SLC8A3: variants seen among roughly 807,000 people sequenced by gnomAD.
SLC8A3 encodes the protein sodium/calcium exchanger 3.
A neutral mutation model predicts 65.4 loss-of-function variants in SLC8A3; 37 were observed. That is an observed-to-expected ratio of 0.57 (90% CI 0.44 to 0.74). SLC8A3 has a LOEUF of 0.74. Among genes scored for constraint, SLC8A3 ranks in the 30% least tolerant of loss-of-function variants. The probability of loss-of-function intolerance (pLI) is 0.00; values close to 1 mark genes in which losing one functional copy is unlikely to be tolerated. For synonymous variants in SLC8A3, 461 were observed against 444.5 expected, an observed-to-expected ratio of 1.04 and a Z score of -0.47; for missense variants, 1,112 against 1,172.1, an observed-to-expected ratio of 0.95 and a Z score of 0.75.
At chr14:70,185,599 T>C (rs1335491884) in intron 1 of SLC8A3, among the ~76,000 whole-genome samples, 5 of 152,140 alleles carry the variant, frequency 3.3e-5, no homozygotes, top group Non-Finnish European at 7.3e-5. Flanking sequence ...GGTGGCAGTG[T>C]AAAGGAGAGC....
intron 2 of SLC8A3, among the ~76,000 whole-genome samples, chr14:70,081,766 T>A (rs1891068097): frequency 6.6e-6 from 1 of 152,204 alleles, no homozygotes; most frequent in Non-Finnish European, 1.5e-5. Context: ...ACTAAAAATA[T>A]GTTTATTGGC....
chr14:70,049,392 C>G (rs541176980), intron 5 of SLC8A3, among the ~76,000 whole-genome samples: 21 of 152,218 alleles, frequency 1.4e-4, no homozygotes, highest in African/African-American at 5.1e-4. Context: ...AACAGAAAAC[C>G]AAACACTGCA....
intron 2 of SLC8A3, among the ~76,000 whole-genome samples, chr14:70,136,993 T>C (rs138701475): frequency 1.2e-3 from 189 of 152,310 alleles, no homozygotes; most frequent in Non-Finnish European, 2.2e-3. Flanking sequence ...TCTTGGAGCA[T>C]CTCCTATGAA....
chr14:70,088,566 G>A (rs1891604007), intron 2 of SLC8A3, among the ~76,000 whole-genome samples: 1 of 152,068 alleles, frequency 6.6e-6, no homozygotes, highest in Non-Finnish European at 1.5e-5. Context: ...GGCTTTAGTG[G>A]CCCAAGATAA....
chr14:70,163,417 T>C (rs545362562), intron 2 of SLC8A3, among the ~76,000 whole-genome samples: 11 of 152,312 alleles, frequency 7.2e-5, no homozygotes, highest in Non-Finnish European at 1.3e-4. Context: ...TCCTATATTA[T>C]TGATAGAGCA....
intron 2 of SLC8A3, among the ~76,000 whole-genome samples, chr14:70,121,054 C>T (rs1894019066): frequency 2.0e-5 from 3 of 152,270 alleles, no homozygotes; most frequent in East Asian, 1.9e-4. Flanking sequence ...TATGCTGGAA[C>T]GGCCCAGAAT....
Position 70,121,462 on chromosome 14 carries a change from G to A in SLC8A3, c.1784+45177C>T, listed in dbSNP as rs200300983. On this transcript the variant is annotated intron_variant, in intron 2 of 6. Transcript: ENST00000356921. ...ATGTCTTGCTCTCGTCAAGTCTAACGTCCACAGCTTTGACATGTGGTTGCT... is the reference window on the plus strand; with the variant it reads ...ATGTCTTGCTCTCGTCAAGTCTAACATCCACAGCTTTGACATGTGGTTGCT... Among the ~76,000 whole-genome samples the A allele has an allele frequency of 9.2e-5, 14 of 152,304 alleles. No homozygotes were observed. The East Asian group carries it at 2.5e-3, about 27-fold the overall frequency.
intron 2 of SLC8A3, among the ~76,000 whole-genome samples, chr14:70,062,493 A>C (rs1222068303): frequency 6.6e-6 from 1 of 152,218 alleles, no homozygotes; most frequent in African/African-American, 2.4e-5. Flanking sequence ...TATTCAGTAC[A>C]AGCACATGCT....
chr14:70,098,102 C>A (rs1199098869), intron 2 of SLC8A3, among the ~76,000 whole-genome samples: 1 of 152,122 alleles, frequency 6.6e-6, no homozygotes, highest in East Asian at 1.9e-4. Flanking sequence ...CCTGGCTGGG[C>A]CAACTAAGCT....
chr14:70,146,450 G>C (rs1289550734), intron 2 of SLC8A3, among the ~76,000 whole-genome samples: 1 of 152,168 alleles, frequency 6.6e-6, no homozygotes, highest in Admixed American at 6.5e-5. Context: ...TTGAGGAGAT[G>C]ATGGCTCTCT....
At chr14:70,130,740 G>T (rs1044644597) in intron 2 of SLC8A3, among the ~76,000 whole-genome samples, 1 of 152,244 alleles carries the variant, frequency 6.6e-6, no homozygotes, top group South Asian at 2.1e-4. Context: ...ATGACAAATT[G>T]TAATGCTGCA....
At chr14:70,085,419 A>G (rs1418321070) in intron 2 of SLC8A3, among the ~76,000 whole-genome samples, 2 of 152,044 alleles carry the variant, frequency 1.3e-5, no homozygotes, top group Non-Finnish European at 2.9e-5. Context: ...TATTGACCTG[A>G]TTTCTCCTGG....
intron 2 of SLC8A3, among the ~76,000 whole-genome samples, chr14:70,137,998 A>C (rs1895321652): frequency 6.6e-6 from 1 of 152,000 alleles, no homozygotes; most frequent in African/African-American, 2.4e-5. Context: ...TCTCCTCCAT[A>C]CACCTTTCCT....
At chr14:70,135,652 A>G (rs576989521) in intron 2 of SLC8A3, among the ~76,000 whole-genome samples, 1 of 152,248 alleles carries the variant, frequency 6.6e-6, no homozygotes, top group South Asian at 2.1e-4. Flanking sequence ...CAGAAGACAA[A>G]CACTGCATAG....
chr14:70,099,320 C>T (rs556939556), intron 2 of SLC8A3, among the ~76,000 whole-genome samples: 1 of 152,294 alleles, frequency 6.6e-6, no homozygotes, highest in East Asian at 1.9e-4. Flanking sequence ...GAATACGTTA[C>T]AGAGACCCTA....
intron 2 of SLC8A3, among the ~76,000 whole-genome samples, chr14:70,132,879 C>A (rs117348193): frequency 0.013 from 1,925 of 152,230 alleles, 19 homozygotes; most frequent in South Asian, 0.027. Context: ...ATCTTCAAAT[C>A]TGTTTTTGGG....
chr14:70,080,618 T>A (rs191459651), intron 2 of SLC8A3, among the ~76,000 whole-genome samples: 1 of 152,268 alleles, frequency 6.6e-6, no homozygotes, highest in East Asian at 1.9e-4. Context: ...TTGGAAGATG[T>A]TCAGACCAGA....
intron 2 of SLC8A3, among the ~76,000 whole-genome samples, chr14:70,069,778 C>T (rs1160598290): frequency 6.6e-6 from 1 of 152,210 alleles, no homozygotes; most frequent in Non-Finnish European, 1.5e-5. Flanking sequence ...TTGGCGTTCT[C>T]TTTAAAATAA....
intron 2 of SLC8A3, among the ~76,000 whole-genome samples, chr14:70,087,311 C>T (rs1358913304): frequency 6.6e-6 from 1 of 152,146 alleles, no homozygotes; most frequent in Non-Finnish European, 1.5e-5. Flanking sequence ...GGAGCACAGC[C>T]CTCCTAAGGA....
Sources: gnomAD v4.1 joint callset for allele counts (sites outside exome capture counted in the v4.1 genomes callset) on GRCh38, gnomAD v4.1.1 for gene constraint, MANE v1.5 for transcripts, NCBI Gene and HGNC (gene_info 2026-07-23, HGNC 2026-07-21) for gene names.